Variants in RHOJ observed in about 807,000 individuals in gnomAD.
RHOJ encodes ras homolog family member J.
A neutral mutation model predicts 23.4 loss-of-function variants in RHOJ; 11 were observed. The observed-to-expected ratio is 0.47, with a 90% CI of 0.30 to 0.78. RHOJ has a LOEUF of 0.78. Ranked by LOEUF, RHOJ falls within the 30% of genes least tolerant of loss-of-function variation. The pLI, the probability that RHOJ is intolerant of heterozygous loss-of-function variation, is 0.08. For missense variants in RHOJ, 254 were observed against 273.4 expected (o/e 0.93, Z 0.50); for synonymous variants, 102 against 102.7 (o/e 0.99, Z 0.04).
chr14:63,252,867 C>T (rs1895096181), intron 1 of RHOJ, among the ~76,000 whole-genome samples: 1 of 152,182 alleles, frequency 6.6e-6, no homozygotes, highest in African/African-American at 2.4e-5. Context: ...CCCACTTCGG[C>T]CTTCCCAGTA....
At chr14:63,268,005 G>A (rs1196360860) in intron 1 of RHOJ, among the ~76,000 whole-genome samples, 2 of 152,132 alleles carry the variant, frequency 1.3e-5, no homozygotes, top group African/African-American at 2.4e-5. Context: ...AATCAATACC[G>A]AATCAGCAAC....
intron 4 of RHOJ, among the ~76,000 whole-genome samples, chr14:63,289,649 T>G (rs543243444): frequency 2.0e-5 from 3 of 152,344 alleles, no homozygotes; most frequent in Admixed American, 2.0e-4. Context: ...AGCTGACTGC[T>G]AAATATGGTC....
intron 1 of RHOJ, among the ~76,000 whole-genome samples, chr14:63,206,621 C>T (rs1894114733): frequency 6.6e-6 from 1 of 152,126 alleles, no homozygotes; most frequent in Admixed American, 6.5e-5. Flanking sequence ...TCCAAATCCC[C>T]ATGTATTCAG....
At chr14:63,219,164 C>A (rs1399031694) in intron 1 of RHOJ, among the ~76,000 whole-genome samples, 2 of 152,114 alleles carry the variant, frequency 1.3e-5, no homozygotes, top group Non-Finnish European at 2.9e-5. Context: ...ACACTTAGCT[C>A]CAATTTTACA....
chr14:63,252,516 G>C (rs1341362969), intron 1 of RHOJ, among the ~76,000 whole-genome samples: 2 of 152,166 alleles, frequency 1.3e-5, no homozygotes, highest in African/African-American at 2.4e-5. Context: ...TCCTGAAAAA[G>C]TAGCCCAGGG....
At chr14:63,216,016 A>G (rs1894347839) in intron 1 of RHOJ, among the ~76,000 whole-genome samples, 1 of 152,196 alleles carries the variant, frequency 6.6e-6, no homozygotes, top group Non-Finnish European at 1.5e-5. Context: ...AAATTATTTT[A>G]TCCTCCCACA....
intron 4 of RHOJ, among the ~76,000 whole-genome samples, chr14:63,285,620 A>G (rs571339266): frequency 1.3e-5 from 2 of 152,312 alleles, no homozygotes; most frequent in South Asian, 4.1e-4. Flanking sequence ...GCACTAATTT[A>G]TTATAAATAT....
intron 1 of RHOJ, among the ~76,000 whole-genome samples, chr14:63,258,610 A>C (rs1895221476): frequency 6.6e-6 from 1 of 152,212 alleles, no homozygotes. Flanking sequence ...CCAACAGCCC[A>C]AAGGAGAGTA....
intron 2 of RHOJ, among the ~76,000 whole-genome samples, chr14:63,276,117 C>G (rs1881711129): frequency 6.6e-6 from 1 of 152,172 alleles, no homozygotes; most frequent in Admixed American, 6.5e-5. Flanking sequence ...GAACAGTCAC[C>G]TGTGGTTCTG....
intron 1 of RHOJ, among the ~76,000 whole-genome samples, chr14:63,209,118 C>T (rs1894176728): frequency 2.0e-5 from 3 of 152,158 alleles, no homozygotes; most frequent in African/African-American, 7.2e-5. Flanking sequence ...GATCACTTAT[C>T]ACCGTCTTCA....
chr14:63,228,162 GAT>G (rs1459522706), intron 1 of RHOJ, among the ~76,000 whole-genome samples: 9 of 152,118 alleles, frequency 5.9e-5, no homozygotes, highest in African/African-American at 2.2e-4. Flanking sequence ...TACAAGGTTT[GAT>G]ATGTTTCTCA....
At chr14:63,250,497 C>G (rs1370457679) in intron 1 of RHOJ, among the ~76,000 whole-genome samples, 7 of 152,138 alleles carry the variant, frequency 4.6e-5, no homozygotes, top group African/African-American at 1.7e-4. Flanking sequence ...CCTTGGCCTC[C>G]CCAAAGTGCT....
At chr14:63,251,662 C>T (rs188978783) in intron 1 of RHOJ, among the ~76,000 whole-genome samples, 22 of 152,282 alleles carry the variant, frequency 1.4e-4, no homozygotes, top group Admixed American at 5.2e-4. Context: ...AAGTGATTTC[C>T]GTCACATGGA....
At chr14:63,223,616 C>A (rs145462342) in intron 1 of RHOJ, among the ~76,000 whole-genome samples, 1 of 151,948 alleles carries the variant, frequency 6.6e-6, no homozygotes, top group African/African-American at 2.4e-5. Context: ...AATATCCCAA[C>A]CTTGAATTTC....
At chr14:63,219,580 G>C (rs890913598) in intron 1 of RHOJ, among the ~76,000 whole-genome samples, 12 of 152,136 alleles carry the variant, frequency 7.9e-5, no homozygotes, top group African/African-American at 2.2e-4. Flanking sequence ...CACTTTGGGA[G>C]GCCAAGGCGG....
At chr14:63,280,036 T>C (rs755296073) in intron 2 of RHOJ, among the ~76,000 whole-genome samples, 6 of 152,126 alleles carry the variant, frequency 3.9e-5, no homozygotes, top group Non-Finnish European at 7.4e-5. Flanking sequence ...ATTTTGTTTG[T>C]TTTTTGAGAC....
intron 1 of RHOJ, among the ~76,000 whole-genome samples, chr14:63,239,094 TTTTCTGTTTG>T (rs541963629): frequency 2.4e-4 from 36 of 151,992 alleles, no homozygotes; most frequent in African/African-American, 8.2e-4. Flanking sequence ...TCATGGTTTT[TTTTCTGTTTG>T]TTTGTTTGTT....
At chr14:63,231,086 A>C (rs1894686334) in intron 1 of RHOJ, among the ~76,000 whole-genome samples, 1 of 152,100 alleles carries the variant, frequency 6.6e-6, no homozygotes, top group South Asian at 2.1e-4. Flanking sequence ...ATGAGGTTTC[A>C]CCATGCTGGC....
chr14:63,291,040 G>A lies in RHOJ; in HGVS notation c.*16G>A. On this transcript the variant is annotated 3_prime_UTR_variant, in exon 5 of 5. Coordinates refer to ENST00000316754, the MANE Select transcript of RHOJ (RefSeq NM_020663.5). ...AATTATCTGAGGTTGTCTGGGACCT[G>A]CCTCCACCCCATCCAGGGATGAGAA... 3.7e-6 allele frequency: 6 copies of A among 1,613,638 alleles called. No individual in the cohort carries two copies. The highest frequency in any genetic ancestry group is 5.1e-6 in the Non-Finnish European group (6 of 1,179,882).
Sources: gnomAD v4.1 joint callset for allele counts (sites outside exome capture counted in the v4.1 genomes callset) on GRCh38, gnomAD v4.1.1 for gene constraint, MANE v1.5 for transcripts, NCBI Gene and HGNC (gene_info 2026-07-23, HGNC 2026-07-21) for gene names.